The following KIAA0040 variants were observed in gnomAD, a reference collection of about 807,000 sequenced individuals.
The protein encoded by KIAA0040 is KIAA0040, also known as uncharacterized protein KIAA0040.
In KIAA0040, 10 loss-of-function variants were observed where a neutral mutation model predicts 7.2. The ratio of observed to expected loss-of-function variants is 1.38; its 90% CI spans 0.85 to 2.34. The LOEUF (loss-of-function observed/expected upper bound fraction) is 2.34. KIAA0040 is among the 30% of genes most tolerant of loss of function. KIAA0040 has a pLI of 0.00. For missense variants in KIAA0040, 89 were observed against 108.2 expected (o/e 0.82, Z 0.79); for synonymous variants, 49 against 40.1 (o/e 1.22, Z -0.84).
chr1:175,167,914 G>T (rs1676832828), intron 2 of KIAA0040, among the ~76,000 whole-genome samples: 1 of 151,780 alleles, frequency 6.6e-6, no homozygotes, highest in Admixed American at 6.6e-5. Flanking sequence ...TTCCAAAACA[G>T]GAAAATCATC....
chr1:175,175,451 T>C (rs1016963619), intron 2 of KIAA0040, among the ~76,000 whole-genome samples: 2 of 151,458 alleles, frequency 1.3e-5, no homozygotes, highest in Admixed American at 6.6e-5. Flanking sequence ...GTTCAACCAT[T>C]GTGGAAGTCA....
chr1:175,163,844 C>G (rs1261093153), intron 3 of KIAA0040, among the ~76,000 whole-genome samples: 2 of 152,184 alleles, frequency 1.3e-5, no homozygotes, highest in Non-Finnish European at 2.9e-5. Context: ...GTAACAGGGG[C>G]CCCTCTGGGT....
At chr1:175,182,833 G>C (rs1405686175) in intron 1 of KIAA0040, among the ~76,000 whole-genome samples, 1 of 152,228 alleles carries the variant, frequency 6.6e-6, no homozygotes, top group Non-Finnish European at 1.5e-5. Flanking sequence ...AACAGTGCCT[G>C]GCACAGAGCA....
intron 3 of KIAA0040, among the ~76,000 whole-genome samples, chr1:175,162,862 C>A (rs1676601151): frequency 6.6e-6 from 1 of 152,154 alleles, no homozygotes; most frequent in African/African-American, 2.4e-5. Context: ...TACTACTGAG[C>A]CTTTTGGTCC....
intron 1 of KIAA0040, among the ~76,000 whole-genome samples, chr1:175,190,883 C>A (rs1406802037): frequency 6.6e-6 from 1 of 152,196 alleles, no homozygotes; most frequent in Non-Finnish European, 1.5e-5. Flanking sequence ...CTATTACACG[C>A]TATTCCCTAC....
At chr1:175,191,780 A>G (rs988888359) in intron 1 of KIAA0040, among the ~76,000 whole-genome samples, 11 of 152,204 alleles carry the variant, frequency 7.2e-5, no homozygotes, top group Admixed American at 2.0e-4. Flanking sequence ...CTGCTTTAGA[A>G]GGGAGGAGCT....
chr1:175,182,614 C>T (rs983508694), intron 1 of KIAA0040, among the ~76,000 whole-genome samples: 2 of 152,206 alleles, frequency 1.3e-5, no homozygotes, highest in East Asian at 1.9e-4. Flanking sequence ...TTTCAGTCTA[C>T]GCTCTCACCC....
chr1:175,160,434 G>C lies in KIAA0040; in HGVS notation c.*280C>G, dbSNP rs376295467. 2.9e-5 allele frequency: 12 copies of C among 418,666 alleles called. No homozygotes were observed. Among genetic ancestry groups the C allele is most frequent in the Admixed American group, 1.2e-4 (3 of 24,434 alleles). The allele number at this position is 418,666 out of a possible 1,614,324, so 25.9% of individuals were successfully genotyped here. A position where few individuals can be genotyped will look rare whatever the true frequency, so the allele number is the denominator to read the frequency against. ...TATGGATAAATGTTCTTTGTGCTTT[G>C]CATGTGGGGTATGCCAGAGACAGGT... On this transcript the variant is annotated 3_prime_UTR_variant, in exon 4 of 4. Coordinates refer to ENST00000423313, the MANE Select transcript of KIAA0040 (RefSeq NM_014656.3).
At chr1:175,174,522 T>G (rs1253843134) in intron 2 of KIAA0040, among the ~76,000 whole-genome samples, 2 of 152,184 alleles carry the variant, frequency 1.3e-5, no homozygotes, top group African/African-American at 2.4e-5. Flanking sequence ...CCTGGATATC[T>G]CTCAAGATTA....
intron 2 of KIAA0040, among the ~76,000 whole-genome samples, chr1:175,169,365 T>C (rs1271867252): frequency 2.6e-5 from 4 of 152,176 alleles, no homozygotes; most frequent in African/African-American, 7.2e-5. Context: ...CTGTATCACA[T>C]TGGGCAGGTT....
intron 1 of KIAA0040, among the ~76,000 whole-genome samples, chr1:175,178,290 C>G (rs1213640842): frequency 6.6e-6 from 1 of 152,224 alleles, no homozygotes; most frequent in Non-Finnish European, 1.5e-5. Context: ...AGGGGGGCAG[C>G]ACCTTCAGTG....
At chr1:175,187,976 A>G (rs1677727373) in intron 1 of KIAA0040, among the ~76,000 whole-genome samples, 1 of 152,232 alleles carries the variant, frequency 6.6e-6, no homozygotes, top group South Asian at 2.1e-4. Flanking sequence ...AGGAGAATAA[A>G]ATGTAACTGA....
intron 1 of KIAA0040, among the ~76,000 whole-genome samples, chr1:175,180,912 C>T (rs1226530992): frequency 6.6e-6 from 1 of 152,204 alleles, no homozygotes; most frequent in African/African-American, 2.4e-5. Flanking sequence ...TGTGCAGTGG[C>T]ACAATCACTG....
At chr1:175,168,612 G>A (rs1676866173) in intron 2 of KIAA0040, among the ~76,000 whole-genome samples, 1 of 131,404 alleles carries the variant, frequency 7.6e-6, no homozygotes, top group Admixed American at 7.3e-5. Context: ...TGGGCCATCT[G>A]GTTGATTACC....
At chr1:175,190,210 C>G (rs892230047) in intron 1 of KIAA0040, among the ~76,000 whole-genome samples, 1 of 152,200 alleles carries the variant, frequency 6.6e-6, no homozygotes, top group Non-Finnish European at 1.5e-5. Flanking sequence ...CCAGAATTCT[C>G]TTCTTTATTT....
intron 1 of KIAA0040, among the ~76,000 whole-genome samples, chr1:175,182,064 C>T (rs993244248): frequency 3.9e-5 from 6 of 152,164 alleles, no homozygotes; most frequent in East Asian, 1.9e-4. Context: ...AGGTTCTGGC[C>T]GTAGGAGGAG....
chr1:175,185,088 A>G (rs1439538638), intron 1 of KIAA0040, among the ~76,000 whole-genome samples: 2 of 152,194 alleles, frequency 1.3e-5, no homozygotes, highest in African/African-American at 4.8e-5. Flanking sequence ...AAATGCTCCA[A>G]AATCTAAAAG....
chr1:175,164,631 T>C (rs559164827), intron 3 of KIAA0040, among the ~76,000 whole-genome samples: 17 of 152,168 alleles, frequency 1.1e-4, no homozygotes, highest in Non-Finnish European at 2.4e-4. Flanking sequence ...AAGGGACTTA[T>C]TTGAGGCTGC....
intron 2 of KIAA0040, among the ~76,000 whole-genome samples, chr1:175,167,189 C>G (rs1450911589): frequency 2.0e-5 from 3 of 152,180 alleles, no homozygotes; most frequent in Non-Finnish European, 4.4e-5. Flanking sequence ...AAACACATGG[C>G]TAGGGTGTCT....
Sources: gnomAD v4.1 joint callset for allele counts (sites outside exome capture counted in the v4.1 genomes callset) on GRCh38, gnomAD v4.1.1 for gene constraint, MANE v1.5 for transcripts, NCBI Gene and HGNC (gene_info 2026-07-23, HGNC 2026-07-21) for gene names.